Variants in PID1 observed in about 807,000 individuals in gnomAD.
PID1 encodes phosphotyrosine interaction domain containing 1.
A neutral mutation model predicts 19.1 loss-of-function variants in PID1; 10 were observed. That is an observed-to-expected ratio of 0.52 (90% CI 0.32 to 0.89). The LOEUF is 0.89. Ranked by LOEUF, PID1 falls within the 40% of genes least tolerant of loss-of-function variation. The probability of loss-of-function intolerance (pLI) is 0.03; values close to 1 mark genes in which losing one functional copy is unlikely to be tolerated. For synonymous variants in PID1, 130 were observed against 116.0 expected, an observed-to-expected ratio of 1.12 and a Z score of -0.78; for missense variants, 248 against 285.3, an observed-to-expected ratio of 0.87 and a Z score of 0.94.
At chr2:229,152,111 C>T (rs1172264125) in intron 2 of PID1, among the ~76,000 whole-genome samples, 2 of 152,198 alleles carry the variant, frequency 1.3e-5, no homozygotes, top group East Asian at 3.9e-4. Context: ...CTCCCCACCT[C>T]CCAGGGTACG....
intron 2 of PID1, among the ~76,000 whole-genome samples, chr2:229,030,930 G>C (rs1483436459): frequency 6.6e-6 from 1 of 152,028 alleles, no homozygotes; most frequent in African/African-American, 2.4e-5. Context: ...AAGAAATACT[G>C]TTAATGGCCG....
intron 1 of PID1, among the ~76,000 whole-genome samples, chr2:229,210,450 G>T (rs1691704330): frequency 7.0e-6 from 1 of 142,076 alleles, no homozygotes. Context: ...CGGGGAGGCG[G>T]AGCTTGCAGT....
intron 1 of PID1, among the ~76,000 whole-genome samples, chr2:229,174,043 T>A (rs1690763387): frequency 6.6e-6 from 1 of 152,166 alleles, no homozygotes; most frequent in South Asian, 2.1e-4. Flanking sequence ...TTCCCTGACC[T>A]CCATCAGTGT....
At chr2:229,157,988 G>C (rs1268641347) in intron 1 of PID1, among the ~76,000 whole-genome samples, 1 of 152,206 alleles carries the variant, frequency 6.6e-6, no homozygotes, top group Non-Finnish European at 1.5e-5. Context: ...AGGTAAGTTA[G>C]TTTTGTGCAG....
chr2:229,063,040 T>C (rs981988502), intron 2 of PID1, among the ~76,000 whole-genome samples: 4 of 152,054 alleles, frequency 2.6e-5, no homozygotes, highest in African/African-American at 9.6e-5. Context: ...TAAAGGTTTA[T>C]TGATTTTGTT....
At chr2:229,142,872 T>C (rs1690045093) in intron 2 of PID1, among the ~76,000 whole-genome samples, 2 of 151,738 alleles carry the variant, frequency 1.3e-5, no homozygotes. Flanking sequence ...CTATAAATCA[T>C]GCTGCTATAA....
chr2:229,044,324 C>T (rs1005081072), intron 2 of PID1, among the ~76,000 whole-genome samples: 4 of 152,014 alleles, frequency 2.6e-5, no homozygotes, highest in African/African-American at 7.2e-5. Flanking sequence ...AATACAGAGG[C>T]GGATCATTGA....
intron 1 of PID1, among the ~76,000 whole-genome samples, chr2:229,158,060 T>C (rs1463535738): frequency 6.6e-6 from 1 of 152,226 alleles, no homozygotes; most frequent in African/African-American, 2.4e-5. Flanking sequence ...AATTGGATAA[T>C]TTCTATGATC....
At position 229,026,123 on chromosome 2, in the gene PID1, G is replaced by C; in HGVS notation, c.178-15C>G. 3 of 1,586,328 alleles carry C rather than the reference G, an allele frequency of 1.9e-6. No homozygotes were observed. The highest frequency in any genetic ancestry group is 2.6e-6 in the Non-Finnish European group (3 of 1,156,108). ...AGGTAGGTAACCTGCAGATGCAAGA[G>C]AGGAAGAAAAGGGAGGCATCAGCAG... On this transcript the variant is annotated splice_polypyrimidine_tract_variant and intron_variant, in intron 2 of 2. Coordinates refer to ENST00000392055, the MANE Select transcript of PID1 (RefSeq NM_001100818.2).
intron 1 of PID1, among the ~76,000 whole-genome samples, chr2:229,247,099 C>T (rs530765757): frequency 1.3e-4 from 20 of 152,250 alleles, no homozygotes; most frequent in African/African-American, 4.8e-4. Flanking sequence ...AAACTGAATA[C>T]AAAGCTCCAT....
intron 2 of PID1, among the ~76,000 whole-genome samples, chr2:229,107,941 T>C (rs1352913416): frequency 3.3e-5 from 5 of 152,202 alleles, no homozygotes; most frequent in Non-Finnish European, 5.9e-5. Context: ...ACGAGACAAC[T>C]GTTTCAAAGG....
intron 2 of PID1, among the ~76,000 whole-genome samples, chr2:229,138,995 G>GAAAGAA (rs1553565583): frequency 1.2e-5 from 1 of 81,208 alleles, no homozygotes. Context: ...AAGAAAGAAA[G>GAAAGAA]AAAGAAAGAA....
At chr2:229,036,489 G>A (rs1693666083) in intron 2 of PID1, among the ~76,000 whole-genome samples, 4 of 152,034 alleles carry the variant, frequency 2.6e-5, no homozygotes, top group African/African-American at 4.8e-5. Flanking sequence ...GGTGGCTCAC[G>A]GCTGTAATCC....
chr2:229,132,702 C>G (rs987539831), intron 2 of PID1, among the ~76,000 whole-genome samples: 1 of 152,120 alleles, frequency 6.6e-6, no homozygotes, highest in African/African-American at 2.4e-5. Context: ...CTCTTTAATT[C>G]CAATGAAGAG....
rs757436178 is a variant in PID1, at chr2:229,247,109, T to C, written c.30+23905A>G. 9.6e-4 allele frequency among the ~76,000 whole-genome samples: 146 copies of C among 152,192 alleles called. 2 individuals carry two copies. The highest frequency in any genetic ancestry group is 7.2e-4 in the Admixed American group (11 of 15,274). ...GGGGCAAACTGAATACAAAGCTCCATAGAGGAGCAAAAATTTAACAATGAT... is the reference window on the plus strand; with the variant it reads ...GGGGCAAACTGAATACAAAGCTCCACAGAGGAGCAAAAATTTAACAATGAT... On this transcript the variant is annotated intron_variant, in intron 1 of 2. Coordinates refer to ENST00000392055, the MANE Select transcript of PID1 (RefSeq NM_001100818.2).
chr2:229,114,135 T>TCTCTCTC (rs1559239219), intron 2 of PID1, among the ~76,000 whole-genome samples: 1 of 93,700 alleles, frequency 1.1e-5, no homozygotes, highest in African/African-American at 4.3e-5. Context: ...CTCTCTCTCT[T>TCTCTCTC]TCTCTCTCTC....
chr2:229,077,691 T>C (rs909359592), intron 2 of PID1, among the ~76,000 whole-genome samples: 2 of 152,146 alleles, frequency 1.3e-5, no homozygotes, highest in African/African-American at 2.4e-5. Context: ...GATCAGATGG[T>C]TGTGGATGTG....
At chr2:229,213,901 TA>T (rs1379906032) in intron 1 of PID1, among the ~76,000 whole-genome samples, 2 of 152,242 alleles carry the variant, frequency 1.3e-5, no homozygotes, top group Non-Finnish European at 2.9e-5. Flanking sequence ...AATCTTTAAC[TA>T]TGTAGAATTT....
chr2:229,104,686 A>G (rs557327521), intron 2 of PID1, among the ~76,000 whole-genome samples: 24 of 152,334 alleles, frequency 1.6e-4, no homozygotes, highest in Admixed American at 2.6e-4. Flanking sequence ...ATCTGTATGG[A>G]TTCCCAGACA....
Sources: allele counts gnomAD v4.1 joint callset (sites outside exome capture counted in the v4.1 genomes callset), GRCh38; gene constraint gnomAD v4.1.1; transcripts MANE v1.5; gene names NCBI Gene and HGNC (gene_info 2026-07-23, HGNC 2026-07-21).